Variants in DNAH11 observed in about 807,000 individuals in gnomAD.
DNAH11 encodes axonemal beta dynein heavy chain 11.
Under a neutral mutation model 526.0 loss-of-function variants are expected in DNAH11, and 442 were observed. That is an observed-to-expected ratio of 0.84 (90% CI 0.78 to 0.91). The LOEUF (loss-of-function observed/expected upper bound fraction) is 0.91, where lower values mean the gene tolerates loss of function less well. Among genes scored for constraint, DNAH11 ranks in the 40% least tolerant of loss-of-function variants. DNAH11 has a pLI of 0.00. For missense variants in DNAH11, 6,989 were observed against 5,448.7 expected, an observed-to-expected ratio of 1.28 and a Z score of -8.90; for synonymous variants, 2,461 against 1,935.9, an observed-to-expected ratio of 1.27 and a Z score of -7.12.
chr7:21,794,135 A>G (rs1284350085), intron 61 of DNAH11, among the ~76,000 whole-genome samples: 1 of 152,192 alleles, frequency 6.6e-6, no homozygotes, highest in Non-Finnish European at 1.5e-5. Flanking sequence ...ACTTCTGATA[A>G]ATTTCTGAAT....
intron 44 of DNAH11, among the ~76,000 whole-genome samples, chr7:21,724,845 A>G (rs1785031778): frequency 7.4e-6 from 1 of 135,238 alleles, no homozygotes; most frequent in Non-Finnish European, 1.7e-5. Context: ...TGGATATGGC[A>G]GTGACTGGAC....
chr7:21,604,079 T>C (rs541551874), intron 18 of DNAH11, among the ~76,000 whole-genome samples: 2 of 152,314 alleles, frequency 1.3e-5, no homozygotes, highest in South Asian at 4.1e-4. Context: ...CTTCAAGTGA[T>C]AGTTACTTTC....
At chr7:21,870,849 C>G (rs1017546100) in intron 73 of DNAH11, among the ~76,000 whole-genome samples, 1 of 152,200 alleles carries the variant, frequency 6.6e-6, no homozygotes, top group African/African-American at 2.4e-5. Flanking sequence ...AACCTCTTCA[C>G]TCCCCACCCC....
intron 49 of DNAH11, 21 bp from the exon 50 acceptor site, chr7:21,744,417 T>G: frequency 6.2e-7 from 1 of 1,609,582 alleles, no homozygotes; most frequent in East Asian, 2.2e-5. Context: ...TAAAGGTATT[T>G]TCCCCATTCT....
intron 56 of DNAH11, 31 bp downstream of exon 56, chr7:21,774,030 TATTTATGCTGTTTAACAG>T: frequency 6.8e-7 from 1 of 1,480,264 alleles, no homozygotes; most frequent in African/African-American, 1.4e-5. Flanking sequence ...TACTGAGTAA[TATTTATGCTGTTTAACAG>T]AAAAATATAT....
chr7:21,685,685 G>T (rs1218456200), intron 32 of DNAH11, among the ~76,000 whole-genome samples: 1 of 152,176 alleles, frequency 6.6e-6, no homozygotes, highest in Non-Finnish European at 1.5e-5. Flanking sequence ...TTAAGCTGCT[G>T]TTAGATATTC....
At chr7:21,640,808 C>T (rs753086269) in intron 28 of DNAH11, among the ~76,000 whole-genome samples, 5 of 152,148 alleles carry the variant, frequency 3.3e-5, no homozygotes, top group South Asian at 2.1e-4. Context: ...GCCAAGCTTT[C>T]GTTTAATAAC....
intron 65 of DNAH11, among the ~76,000 whole-genome samples, chr7:21,838,604 A>G (rs1311881612): frequency 6.6e-6 from 1 of 152,138 alleles, no homozygotes; most frequent in Non-Finnish European, 1.5e-5. Flanking sequence ...TTCAGGTTTC[A>G]TTTGTGTCGT....
rs1417973953 is a variant in DNAH11 at position 21,571,910 on chromosome 7, A to C, written c.1530A>C (p.Glu510Asp). The change falls in exon 8 of 82, where the codon GAA becomes GAC. Residue 510 changes from glutamate (E) to aspartate (D), a missense_variant. By Grantham distance (45) the Glu-to-Asp change is conservative. Transcript: ENST00000409508. ...LNGQVHEMSEELMELCKLFKQ... is the reference protein window; with the variant it reads ...LNGQVHEMSEDLMELCKLFKQ... ...GACAAGTCCACGAGATGAGTGAAGA[A>C]CTTATGGAACTCTGTAAACTTTTTA... 6.2e-7 allele frequency: 1 copy of C among 1,612,114 alleles called. No individual in the cohort carries two copies. Among genetic ancestry groups the C allele is most frequent in the Non-Finnish European group, 8.5e-7 (1 of 1,179,216 alleles).
rs1788210307 is a variant in DNAH11, at chr7:21,786,708, C to T, written c.9682C>T (p.Pro3228Ser). 1 of 1,613,874 alleles carries T rather than the reference C, an allele frequency of 6.2e-7. No homozygotes were observed. Residue 3228 changes from proline to serine, a missense_variant, in exon 59 of 82, where the codon CCT becomes TCT. Physicochemically the swap from Pro to Ser is moderately conservative, Grantham distance 74 (BLOSUM62 -1). Coordinates refer to ENST00000409508, the MANE Select transcript of DNAH11 (RefSeq NM_001277115.2). ...TGCAGCCGTGATGGTCCTTCTGGCTCCTCGGGGAAGAGTGCCCAAAGACCG... is the reference window on the plus strand; with the variant it reads ...TGCAGCCGTGATGGTCCTTCTGGCTTCTCGGGGAAGAGTGCCCAAAGACCG... ...VTAAVMVLLA[P>S]RGRVPKDRSW...
intron 72 of DNAH11, 33 bp from the exon 73 acceptor site, chr7:21,868,831 C>A: frequency 6.2e-7 from 1 of 1,613,354 alleles, no homozygotes; most frequent in Admixed American, 1.7e-5. Context: ...CCTTCATAGA[C>A]ATTTCCTCTC....
intron 28 of DNAH11, among the ~76,000 whole-genome samples, chr7:21,645,884 T>A (rs1402733646): frequency 6.6e-6 from 1 of 152,214 alleles, no homozygotes; most frequent in Non-Finnish European, 1.5e-5. Context: ...AATCTTGCAC[T>A]AAGCAAAATC....
rs149462222 is a variant in DNAH11 at position 21,863,825 on chromosome 7, G to A, written c.11374-710G>A. Among the ~76,000 whole-genome samples, 1,239 of 152,178 alleles carry A rather than the reference G, an allele frequency of 8.1e-3. 24 individuals are homozygous for A. The highest frequency in any genetic ancestry group is 0.029 in the African/African-American group (1,184 of 41,520). ...AAATAATATCTAATAAAATATTTTA[G>A]TGCATGTTATCACTCATAACACCTT... On this transcript the variant is annotated intron_variant, in intron 69 of 81. Transcript: ENST00000409508.
intron 18 of DNAH11, among the ~76,000 whole-genome samples, chr7:21,605,660 G>A (rs6960378): frequency 3.0e-3 from 454 of 152,260 alleles, no homozygotes; most frequent in African/African-American, 0.01. Flanking sequence ...AAAAGCCGAG[G>A]ATGAGATTGA....
intron 65 of DNAH11, among the ~76,000 whole-genome samples, chr7:21,832,642 T>A (rs1781832014): frequency 6.6e-6 from 1 of 152,130 alleles, no homozygotes; most frequent in Non-Finnish European, 1.5e-5. Flanking sequence ...GGAAGGAGCA[T>A]CGTTATATAT....
In DNAH11 at chr7:21,581,929, T is replaced by C. The variant is rs1226617556; in HGVS notation, c.1618T>C (p.Phe540Leu). The change falls in exon 9 of 82, where the codon TTT becomes CTT. Residue 540 changes from phenylalanine to leucine, a missense_variant. By Grantham distance (22) the Phe-to-Leu change is conservative. Coordinates refer to ENST00000409508, the MANE Select transcript of DNAH11 (RefSeq NM_001277115.2). ...NMEFESDYVA[F>L]KSKTLEFDRR... is the part of the protein sequence containing the mutation. ...GGAGTTTGAAAGTGATTATGTGGCA[T>C]TTAAGTCCAAAACTCTGGAATTTGA... 1 of 1,611,204 alleles carries C rather than the reference T, an allele frequency of 6.2e-7. No individual in the cohort carries two copies. Among genetic ancestry groups the C allele is most frequent in the Non-Finnish European group, 8.5e-7 (1 of 1,178,592 alleles).
At chr7:21,636,627 A>G (rs958782455) in intron 26 of DNAH11, among the ~76,000 whole-genome samples, 1 of 152,110 alleles carries the variant, frequency 6.6e-6, no homozygotes, top group Non-Finnish European at 1.5e-5. Context: ...AGTCCTAGCT[A>G]CTTGGGAGGC....
chr7:21,665,963 C>G (rs900523194), intron 30 of DNAH11, among the ~76,000 whole-genome samples: 2 of 152,050 alleles, frequency 1.3e-5, no homozygotes, highest in African/African-American at 4.8e-5. Context: ...TAACCATCTG[C>G]TGGAGTGTGC....
chr7:21,633,397 A>C (rs1206483166), intron 25 of DNAH11, among the ~76,000 whole-genome samples: 2 of 152,188 alleles, frequency 1.3e-5, no homozygotes, highest in Non-Finnish European at 2.9e-5. Flanking sequence ...CCATTGTTGA[A>C]AGTGGAATAT....
Sources: allele counts gnomAD v4.1 joint callset (sites outside exome capture counted in the v4.1 genomes callset), GRCh38; gene constraint gnomAD v4.1.1; transcripts MANE v1.5; gene names NCBI Gene and HGNC (gene_info 2026-07-23, HGNC 2026-07-21).